The following SPG7 variants were observed in gnomAD, a reference collection of about 807,000 sequenced individuals.
SPG7 encodes the protein SPG7 matrix AAA peptidase subunit, paraplegin.
A neutral mutation model predicts 81.9 loss-of-function variants in SPG7; 103 were observed. The observed-to-expected ratio is 1.26, with a 90% CI of 1.07 to 1.48. The LOEUF (loss-of-function observed/expected upper bound fraction) is 1.48, where lower values mean the gene tolerates loss of function less well. Ranked by LOEUF, SPG7 falls within the 40% of genes most tolerant of loss-of-function variation. The probability of loss-of-function intolerance (pLI) is 0.00; values close to 1 mark genes in which losing one functional copy is unlikely to be tolerated. For missense variants in SPG7, 1,241 were observed against 1,087.3 expected (o/e 1.14, Z -1.99); for synonymous variants, 534 against 444.2 (o/e 1.20, Z -2.54).
chr16:89,529,145 C>A, intron 5 of SPG7: 1 of 379,128 alleles, frequency 2.6e-6, no homozygotes, highest in Non-Finnish European at 5.1e-6. Context: ...GCTGATCTTG[C>A]CTGCCTGATT....
At chr16:89,547,902 C>T in intron 11 of SPG7, 101 bp from the exon 12 acceptor site, 1 of 881,252 alleles carries the variant, frequency 1.1e-6, no homozygotes, top group Non-Finnish European at 1.9e-6. Flanking sequence ...GGTGAGCCAC[C>T]ATGCCCGGCC....
At chr16:89,529,745 A>G in intron 6 of SPG7, 166 bp downstream of exon 6, 1 of 687,220 alleles carries the variant, frequency 1.5e-6, no homozygotes, top group Middle Eastern at 3.7e-4. Flanking sequence ...TCCGGCTGTA[A>G]GGCGTGTAGT....
rs560186519 is a variant in SPG7, at chr16:89,554,055, G to T, written c.2103+95G>T. Reference sequence around the variant, plus strand: ...AAGGGTCGCCCACGGCCGCCCCAGCGGAGCTCAGCTGCAGGCCCCACCTGG... The same window carrying T: ...AAGGGTCGCCCACGGCCGCCCCAGCTGAGCTCAGCTGCAGGCCCCACCTGG... On this transcript the variant is annotated intron_variant, in intron 15 of 16. Transcript: ENST00000645818. 1,089 of 1,370,492 alleles carry T rather than the reference G, an allele frequency of 7.9e-4. 9 individuals are homozygous for T. The African/African-American group carries it at 0.014, about 18-fold the overall frequency. The allele number at this position is 1,370,492 out of a possible 1,614,324, so 84.9% of individuals were successfully genotyped here.
intron 12 of SPG7, chr16:89,549,267 G>A (rs1438055446): frequency 2.2e-6 from 1 of 456,716 alleles, no homozygotes; most frequent in South Asian, 1.6e-5. Context: ...ACCACGAGCT[G>A]ATTCAAGTTG....
intron 3 of SPG7, chr16:89,518,719 C>T (rs990701164): frequency 2.6e-5 from 4 of 152,118 alleles, no homozygotes; most frequent in Admixed American, 1.3e-4. Context: ...ATACAGCATT[C>T]TCTAAAGACA....
intron 15 of SPG7, among the ~76,000 whole-genome samples, chr16:89,554,179 T>A (rs1336830050): frequency 6.6e-6 from 1 of 150,684 alleles, no homozygotes; most frequent in Non-Finnish European, 1.5e-5. Flanking sequence ...GATGTGAATC[T>A]GGGAAGAATA....
chr16:89,547,215 C>G, intron 11 of SPG7: 1 of 204,162 alleles, frequency 4.9e-6, no homozygotes, highest in South Asian at 8.0e-5. Flanking sequence ...AACAAACCTC[C>G]CTTTTATTAT....
chr16:89,529,578 T>C lies in SPG7; in HGVS notation c.860T>C (p.Phe287Ser). ...GGAAGGGAAGGTGGATTCAGTGCTT[T>C]TGTAAGTTCTGTAAATCAGAGCTCT... ...MTGREGGFSA[F>S]NQLKMARFTI... Residue 287 changes from phenylalanine to serine, a missense_variant and splice_region_variant, in exon 6 of 17, where the codon TTT (phenylalanine) becomes TCT (serine). Phe to Ser is a radical substitution (Grantham distance 155). Coordinates refer to ENST00000645818, the MANE Select transcript of SPG7 (RefSeq NM_003119.4). 10 of 1,605,774 alleles carry C rather than the reference T, an allele frequency of 6.2e-6. No homozygotes were observed. Among genetic ancestry groups the C allele is most frequent in the Non-Finnish European group, 8.5e-6 (10 of 1,172,518 alleles).
At chr16:89,546,189 T>C in intron 10 of SPG7, 2 of 300,570 alleles carry the variant, frequency 6.7e-6, no homozygotes, top group Non-Finnish European at 1.3e-5. Context: ...CAGGTTCAAG[T>C]GATTGTCCCG....
chr16:89,556,175 TA>T, intron 16 of SPG7: 1 of 398,912 alleles, frequency 2.5e-6, no homozygotes, highest in East Asian at 3.6e-5. Flanking sequence ...CAGAACTTAG[TA>T]AAATCCCACA....
intron 16 of SPG7, 91 bp from the exon 17 acceptor site, chr16:89,556,796 C>A: frequency 9.9e-7 from 1 of 1,009,222 alleles, no homozygotes; most frequent in Non-Finnish European, 1.6e-6. Flanking sequence ...TGCACACAGA[C>A]AGGCCCTCAC....
At chr16:89,531,258 T>C (rs2058338727) in intron 7 of SPG7, 1 of 309,758 alleles carries the variant, frequency 3.2e-6, no homozygotes, top group African/African-American at 2.2e-5. Context: ...GTACAGTGGG[T>C]CACGCCTGTA....
At position 89,552,964 on chromosome 16, in the gene SPG7, TTGA is replaced by T; in HGVS notation, c.1780-14_1780-12del. 6.2e-7 allele frequency: 1 copy of T among 1,611,232 alleles called. No homozygotes were observed. The highest frequency in any genetic ancestry group is 8.5e-7 in the Non-Finnish European group (1 of 1,179,152). ...ATCCTGCCTACTGACCTGGGTCATC[TTGA>T]CCTTGTGCCAGGTCTCCATAACCCC... On this transcript the variant is annotated splice_polypyrimidine_tract_variant and intron_variant, in intron 13 of 16. Transcript: ENST00000645818.
At chr16:89,510,176 T>C (rs181711269) in intron 1 of SPG7, among the ~76,000 whole-genome samples, 3 of 151,700 alleles carry the variant, frequency 2.0e-5, no homozygotes, top group Non-Finnish European at 2.9e-5. Flanking sequence ...GGTTTCACCA[T>C]GTTGGCCAGG....
rs777896558 is a variant in SPG7 at position 89,531,958 on chromosome 16, C to T, written c.1042C>T (p.Leu348Phe). Reference sequence around the variant, plus strand: ...CAAGGTCCCAAAGGGCGCACTGCTGCTCGGCCCCCCCGGCTGTGGGAAGAC... The same window carrying T: ...CAAGGTCCCAAAGGGCGCACTGCTGTTCGGCCCCCCCGGCTGTGGGAAGAC... The part of the protein sequence containing the change: ...GAKVPKGALL[L>F]GPPGCGKTLL... Residue 348 changes from leucine to phenylalanine, a missense_variant, in exon 8 of 17, where the codon CTC (leucine) becomes TTC (phenylalanine). Physicochemically the swap from Leu to Phe is conservative, Grantham distance 22. Coordinates refer to ENST00000645818, the MANE Select transcript of SPG7 (RefSeq NM_003119.4). The T allele has an allele frequency of 1.1e-5, 17 of 1,614,124 alleles. No homozygotes were observed. In the South Asian group the frequency reaches 1.9e-4, roughly 18 times the overall value.
At chr16:89,524,392 T>G (rs1030984745) in intron 4 of SPG7, 145 bp downstream of exon 4, 2 of 928,262 alleles carry the variant, frequency 2.2e-6, no homozygotes, top group Admixed American at 2.3e-5. Flanking sequence ...AGGGCATGCT[T>G]CTTTCTCATG....
chr16:89,543,137 TG>T (rs2058518252), intron 9 of SPG7: 1 of 151,146 alleles, frequency 6.6e-6, no homozygotes, highest in Non-Finnish European at 1.5e-5. Flanking sequence ...TTAGTAGAGA[TG>T]GGGTTTCACT....
At chr16:89,549,086 C>A (rs1210076785) in intron 12 of SPG7, 2 of 456,286 alleles carry the variant, frequency 4.4e-6, no homozygotes, top group East Asian at 1.4e-4. Flanking sequence ...GACAGCCCTG[C>A]GGGTCGAGAG....
rs1205851011 is a variant in SPG7 at position 89,531,937 on chromosome 16, G to A, written c.1021G>A (p.Val341Ile). Residue 341 changes from valine (V) to isoleucine (I), a missense_variant, in exon 8 of 17, where the codon GTC (valine) becomes ATC (isoleucine). Physicochemically the swap from Val to Ile is conservative, Grantham distance 29. Coordinates refer to ENST00000645818, the MANE Select transcript of SPG7 (RefSeq NM_003119.4). Reference protein sequence around the residue: ...PERFLQLGAKVPKGALLLGPP... With the variant: ...PERFLQLGAKIPKGALLLGPP... ...ACGCTTCCTCCAGCTTGGCGCCAAGGTCCCAAAGGGCGCACTGCTGCTCGG... is the reference window on the plus strand; with the variant it reads ...ACGCTTCCTCCAGCTTGGCGCCAAGATCCCAAAGGGCGCACTGCTGCTCGG... The A allele has an allele frequency of 8.1e-6, 13 of 1,614,042 alleles. No individual in the cohort carries two copies. The highest frequency in any genetic ancestry group is 1.1e-5 in the Non-Finnish European group (13 of 1,179,978).
Sources: gnomAD v4.1 joint callset for allele counts (sites outside exome capture counted in the v4.1 genomes callset) on GRCh38, gnomAD v4.1.1 for gene constraint, MANE v1.5 for transcripts, NCBI Gene and HGNC (gene_info 2026-07-23, HGNC 2026-07-21) for gene names.